Variants in CNTN4 observed in about 807,000 individuals in gnomAD.
CNTN4 encodes the protein contactin-4.
Under a neutral mutation model 122.5 loss-of-function variants are expected in CNTN4, and 77 were observed. The observed-to-expected ratio is 0.63, with a 90% CI of 0.52 to 0.76. The LOEUF (loss-of-function observed/expected upper bound fraction) is 0.76. Among genes scored for constraint, CNTN4 ranks in the 30% least tolerant of loss-of-function variants. The pLI, the probability that CNTN4 is intolerant of heterozygous loss-of-function variation, is 0.00. For missense variants in CNTN4, 1,256 were observed against 1,259.1 expected (o/e 1.00, Z 0.04); for synonymous variants, 512 against 447.0 (o/e 1.15, Z -1.83).
At chr3:2,928,364 C>G (rs1255097640) in intron 13 of CNTN4, among the ~76,000 whole-genome samples, 4 of 152,124 alleles carry the variant, frequency 2.6e-5, no homozygotes, top group Non-Finnish European at 4.4e-5. Flanking sequence ...GAGATTCTGC[C>G]ATTTTTCTCA....
intron 14 of CNTN4, among the ~76,000 whole-genome samples, chr3:2,992,920 C>T (rs1695181446): frequency 6.6e-6 from 1 of 152,074 alleles, no homozygotes; most frequent in Admixed American, 6.6e-5. Context: ...CTGGGCCTCA[C>T]TCCTACCCTA....
intron 1 of CNTN4, among the ~76,000 whole-genome samples, chr3:2,100,331 T>C (rs990923776): frequency 6.6e-6 from 1 of 152,226 alleles, no homozygotes; most frequent in Non-Finnish European, 1.5e-5. Context: ...GGGAGCTGGA[T>C]AGTTCAAGGA....
chr3:2,249,148 A>C (rs2149669658), intron 2 of CNTN4, among the ~76,000 whole-genome samples: 1 of 3,334 alleles, frequency 3.0e-4, no homozygotes, highest in Non-Finnish European at 0.019. Flanking sequence ...AAATAAAATA[A>C]ATTATAAAAA....
intron 2 of CNTN4, among the ~76,000 whole-genome samples, chr3:2,111,486 C>G (rs888200594): frequency 6.6e-6 from 1 of 152,042 alleles, no homozygotes; most frequent in Admixed American, 6.6e-5. Context: ...AATGTACTCC[C>G]CAAAATAATG....
intron 13 of CNTN4, among the ~76,000 whole-genome samples, chr3:2,940,766 T>C (rs2151499649): frequency 6.6e-6 from 1 of 152,222 alleles, no homozygotes; most frequent in Non-Finnish European, 1.5e-5. Context: ...TCATATAACA[T>C]ACCTTTGACC....
intron 6 of CNTN4, among the ~76,000 whole-genome samples, chr3:2,797,787 T>C (rs1456601066): frequency 6.6e-6 from 1 of 152,172 alleles, no homozygotes; most frequent in Non-Finnish European, 1.5e-5. Context: ...AGTAAGATTA[T>C]TCTGTGGAAG....
intron 7 of CNTN4, among the ~76,000 whole-genome samples, chr3:2,825,221 A>T (rs1420379334): frequency 6.6e-6 from 1 of 151,794 alleles, no homozygotes; most frequent in Non-Finnish European, 1.5e-5. Context: ...CTAAAAAATA[A>T]TTTATTTTAT....
chr3:2,236,502 G>C (rs1307754348), intron 2 of CNTN4, among the ~76,000 whole-genome samples: 1 of 152,128 alleles, frequency 6.6e-6, no homozygotes, highest in Non-Finnish European at 1.5e-5. Flanking sequence ...TCAATTCATT[G>C]AACTACATGT....
At chr3:2,250,594 T>G (rs1336355023) in intron 2 of CNTN4, among the ~76,000 whole-genome samples, 1 of 151,884 alleles carries the variant, frequency 6.6e-6, no homozygotes, top group Non-Finnish European at 1.5e-5. Context: ...ATTACCCTGA[T>G]CTGATCACAT....
chr3:2,792,547 G>C lies in CNTN4; in HGVS notation c.359-26939G>C, dbSNP rs545332372. Among the ~76,000 whole-genome samples the C allele has an allele frequency of 2.4e-4, 37 of 152,304 alleles. No homozygotes were observed. The South Asian group carries it at 7.2e-3, about 30-fold the overall frequency. ...TTCTGGCTGTGAGCTTCCTAAGCAA[G>C]AATGCTAGAAGCCAATTGAATTAGC... On this transcript the variant is annotated intron_variant, in intron 6 of 24. Transcript: ENST00000418658.
chr3:2,372,063 A>T (rs1327788316), intron 3 of CNTN4, among the ~76,000 whole-genome samples: 2 of 152,352 alleles, frequency 1.3e-5, no homozygotes, highest in African/African-American at 4.8e-5. Flanking sequence ...ATAAATGATG[A>T]TATAAGCTCT....
At chr3:2,485,681 T>A (rs769317897) in intron 3 of CNTN4, among the ~76,000 whole-genome samples, 11 of 152,182 alleles carry the variant, frequency 7.2e-5, no homozygotes, top group Non-Finnish European at 1.2e-4. Flanking sequence ...ATCAGCACTC[T>A]CTGTCTAGCT....
intron 2 of CNTN4, among the ~76,000 whole-genome samples, chr3:2,132,762 A>G (rs1430071929): frequency 1.3e-5 from 2 of 152,186 alleles, no homozygotes; most frequent in Non-Finnish European, 2.9e-5. Flanking sequence ...GATTACTGTC[A>G]TAAAGTCTCT....
rs183181593 is a variant in CNTN4 at position 2,654,164 on chromosome 3, T to C, written c.56-82051T>C. Among the ~76,000 whole-genome samples, 62 of 152,326 alleles carry C rather than the reference T, an allele frequency of 4.1e-4. No homozygotes were observed. The East Asian group carries it at 7.9e-3, about 19-fold the overall frequency. On this transcript the variant is annotated intron_variant, in intron 4 of 24. Transcript: ENST00000418658. Reference sequence around the variant, plus strand: ...TTATTTACTCCTTCTACTCCAAAGCTGAGCTATAGGAATTCAAGTGGGGTC... The same window carrying C: ...TTATTTACTCCTTCTACTCCAAAGCCGAGCTATAGGAATTCAAGTGGGGTC...
chr3:2,519,344 A>G (rs1316456169), intron 3 of CNTN4, among the ~76,000 whole-genome samples: 1 of 152,156 alleles, frequency 6.6e-6, no homozygotes, highest in Non-Finnish European at 1.5e-5. Context: ...ACATTCAATT[A>G]TGGAATTTTA....
chr3:2,235,768 A>G (rs1294080816), intron 2 of CNTN4, among the ~76,000 whole-genome samples: 2 of 152,156 alleles, frequency 1.3e-5, no homozygotes, highest in Admixed American at 6.5e-5. Context: ...TTTCTTTACT[A>G]TCATTTATTT....
chr3:2,158,232 G>A (rs547325538), intron 2 of CNTN4, among the ~76,000 whole-genome samples: 20 of 152,206 alleles, frequency 1.3e-4, no homozygotes, highest in African/African-American at 2.9e-4. Context: ...TACAAAGGGC[G>A]AATTTTTTCC....
chr3:2,526,024 G>C (rs1411159982), intron 3 of CNTN4, among the ~76,000 whole-genome samples: 5 of 152,056 alleles, frequency 3.3e-5, no homozygotes, highest in Non-Finnish European at 7.4e-5. Context: ...ATCAGGGACA[G>C]CACAAGACAA....
chr3:2,597,708 A>C (rs775984798), intron 4 of CNTN4, among the ~76,000 whole-genome samples: 10 of 152,106 alleles, frequency 6.6e-5, no homozygotes, highest in Non-Finnish European at 1.0e-4. Flanking sequence ...CCCAGTATAG[A>C]GATGCGCACA....
Sources: gnomAD v4.1 joint callset for allele counts (sites outside exome capture counted in the v4.1 genomes callset) on GRCh38, gnomAD v4.1.1 for gene constraint, MANE v1.5 for transcripts, NCBI Gene and HGNC (gene_info 2026-07-23, HGNC 2026-07-21) for gene names.